The following AGO2 variants were observed in gnomAD, a reference collection of about 807,000 sequenced individuals.
AGO2 encodes argonaute RISC catalytic component 2.
Under a neutral mutation model 102.3 loss-of-function variants are expected in AGO2, and 5 were observed. That is an observed-to-expected ratio of 0.05 (90% CI 0.03 to 0.10). The LOEUF is 0.10. AGO2 is among the 10% of genes least tolerant of loss of function. The pLI, the probability that AGO2 is intolerant of heterozygous loss-of-function variation, is 1.00. For missense variants in AGO2, 541 were observed against 1,183.7 expected, an observed-to-expected ratio of 0.46 and a Z score of 7.97; for synonymous variants, 449 against 473.1, an observed-to-expected ratio of 0.95 and a Z score of 0.66.
chr8:140,560,063 C>CACCCAGGCTACAGTCAA (rs1440577681), intron 5 of AGO2, among the ~76,000 whole-genome samples: 3 of 152,234 alleles, frequency 2.0e-5, no homozygotes, highest in Non-Finnish European at 4.4e-5. Context: ...GGACAGGCCA[C>CACCCAGGCTACAGTCAA]ACCCAGGCTA....
At chr8:140,631,044 A>AC (rs2074334797) in intron 1 of AGO2, among the ~76,000 whole-genome samples, 1 of 152,056 alleles carries the variant, frequency 6.6e-6, no homozygotes, top group Non-Finnish European at 1.5e-5. Flanking sequence ...ACAGAGAACA[A>AC]CCCCAACCCT....
upstream of AGO2, chr8:140,637,814 G>A (rs956456327): frequency 2.0e-5 from 3 of 152,172 alleles, no homozygotes; most frequent in Admixed American, 6.6e-5. Flanking sequence ...CAACGGAGCT[G>A]AGAACTGCAG....
chr8:140,545,266 A>G (rs1178771931), intron 13 of AGO2, among the ~76,000 whole-genome samples: 1 of 152,118 alleles, frequency 6.6e-6, no homozygotes, highest in Admixed American at 6.5e-5. Context: ...TCACGGCCAC[A>G]GCAACAGGGC....
Position 140,539,884 on chromosome 8 carries a change from C to T in AGO2, c.2035-430G>A, listed in dbSNP as rs995404051. ...TGGGCGGATCACAAGATCAAGAGATCGAGATCATCCTGGCCAACATGGTGA... is the reference window on the plus strand; with the variant it reads ...TGGGCGGATCACAAGATCAAGAGATTGAGATCATCCTGGCCAACATGGTGA... On this transcript the variant is annotated intron_variant, in intron 15 of 18. Transcript: ENST00000220592. This position sits in a 1 kb window ranked among gnomAD's most constrained non-coding sequence, Gnocchi z 4.7. 2.6e-5 allele frequency among the ~76,000 whole-genome samples: 4 copies of T among 152,254 alleles called. No individual in the cohort carries two copies. The highest frequency in any genetic ancestry group is 2.1e-4 in the South Asian group (1 of 4,822).
chr8:140,589,365 G>A lies in AGO2; in HGVS notation c.23-4054C>T, dbSNP rs2073713337. On this transcript the variant is annotated intron_variant, in intron 1 of 18. Coordinates refer to ENST00000220592, the MANE Select transcript of AGO2 (RefSeq NM_012154.5). This position sits in a 1 kb window ranked among gnomAD's most constrained non-coding sequence, Gnocchi z 4.2. ...TTTGGCTACCGGCGGGTGAACCACA[G>A]GCCCGGGTCAGCACCCATAGGCTGC... Among the ~76,000 whole-genome samples, 1 of 152,044 alleles carries A rather than the reference G, an allele frequency of 6.6e-6. No homozygotes were observed. The highest frequency in any genetic ancestry group is 2.1e-4 in the South Asian group (1 of 4,828).
In AGO2 at chr8:140,539,245, C is replaced by G; in HGVS notation, c.2169+75G>C. 6.7e-7 allele frequency: 1 copy of G among 1,483,126 alleles called. No individual in the cohort carries two copies. The highest frequency in any genetic ancestry group is 1.3e-5 in the South Asian group (1 of 75,124). The allele number at this position is 1,483,126 out of a possible 1,614,324, so 91.9% of individuals were successfully genotyped here. A position where few individuals can be genotyped will look rare whatever the true frequency, so the allele number is the denominator to read the frequency against. On this transcript the variant is annotated intron_variant, in intron 16 of 18. Coordinates refer to ENST00000220592, the MANE Select transcript of AGO2 (RefSeq NM_012154.5). This position sits in a 1 kb window ranked among gnomAD's most constrained non-coding sequence, Gnocchi z 4.7. ...ACAGCGGCACTGTGGCCAGCAGGTTCTCTTGTGAGTGTGCTCGGGGTGTGG... is the reference window on the plus strand; with the variant it reads ...ACAGCGGCACTGTGGCCAGCAGGTTGTCTTGTGAGTGTGCTCGGGGTGTGG...
chr8:140,551,522 C>T, intron 10 of AGO2, 86 bp from the exon 11 acceptor site: 1 of 1,343,934 alleles, frequency 7.4e-7, no homozygotes, highest in Non-Finnish European at 9.7e-7. Context: ...ACTGTTGGTC[C>T]CCCTGACCAA....
chr8:140,583,067 C>G (rs1475346720), intron 2 of AGO2, among the ~76,000 whole-genome samples: 2 of 152,160 alleles, frequency 1.3e-5, no homozygotes, highest in Non-Finnish European at 2.9e-5. Flanking sequence ...GCTGGGGACA[C>G]AGACAGAAAA....
rs765304772 is a variant in AGO2 at position 140,532,529 on chromosome 8, C to T, written c.2358G>A (p.Leu786=). Residue 786 remains leucine (L), a synonymous_variant, in exon 18 of 19, where the codon CTG becomes CTA. Coordinates refer to ENST00000220592, the MANE Select transcript of AGO2 (RefSeq NM_012154.5). ...SDELQILTYQ[L]CHTYVRCTRS... is the part of the protein sequence containing the mutation. ...GTGTGCAGCGCACGTAGGTGTGACA[C>T]AGCTGGTAGGTTAGGATCTGCAGCT... is the stretch of plus-strand genomic sequence containing the variant. 3.7e-6 allele frequency: 6 copies of T among 1,614,144 alleles called. No homozygotes were observed. The highest frequency in any genetic ancestry group is 5.1e-6 in the Non-Finnish European group (6 of 1,180,052).
intron 1 of AGO2, among the ~76,000 whole-genome samples, chr8:140,591,035 G>A (rs145330197): frequency 2.0e-4 from 31 of 152,350 alleles, no homozygotes; most frequent in African/African-American, 7.5e-4. Flanking sequence ...CCCATGGGAA[G>A]GCTGGGTCGG....
chr8:140,640,962 T>A, the AGO2 span, among the ~76,000 whole-genome samples: 1 of 152,198 alleles, frequency 6.6e-6, no homozygotes, highest in South Asian at 2.1e-4. Flanking sequence ...ATGTGGTGTA[T>A]CCAGCTTGTA....
At position 140,556,295 on chromosome 8, in the gene AGO2, A is replaced by G. The variant is rs1330951401; in HGVS notation, c.1027-9T>C. 1 of 1,613,932 alleles carries G rather than the reference A, an allele frequency of 6.2e-7. No homozygotes were observed. Among genetic ancestry groups the G allele is most frequent in the East Asian group, 2.2e-5 (1 of 44,872 alleles). On this transcript the variant is annotated splice_polypyrimidine_tract_variant and intron_variant, in intron 8 of 18. Coordinates refer to ENST00000220592, the MANE Select transcript of AGO2 (RefSeq NM_012154.5). ...GCCACAATGTTACAGACCTGTGAAG[A>G]GGACGTAGAGACAGGCCGTCAGTGC...
At chr8:140,562,341 T>C in intron 4 of AGO2, 112 bp downstream of exon 4, 7 of 1,344,404 alleles carry the variant, frequency 5.2e-6, no homozygotes, top group Non-Finnish European at 7.0e-6. Flanking sequence ...ACGTGACCAC[T>C]CCCACCCTGG....
intron 1 of AGO2, among the ~76,000 whole-genome samples, chr8:140,609,201 G>C (rs747741683): frequency 2.6e-5 from 4 of 152,224 alleles, no homozygotes; most frequent in Non-Finnish European, 5.9e-5. Flanking sequence ...GCTGCAGAGA[G>C]GACTGCGGGA....
intron 12 of AGO2, among the ~76,000 whole-genome samples, chr8:140,548,479 C>G (rs959137786): frequency 6.6e-6 from 1 of 152,178 alleles, no homozygotes; most frequent in African/African-American, 2.4e-5. Context: ...ACCCACCCCC[C>G]GCTATTCCTG....
At chr8:140,604,543 T>A (rs998151302) in intron 1 of AGO2, among the ~76,000 whole-genome samples, 1 of 151,524 alleles carries the variant, frequency 6.6e-6, no homozygotes, top group Non-Finnish European at 1.5e-5. Context: ...ATACAAAAAT[T>A]AGGCCGGGTG....
intron 2 of AGO2, among the ~76,000 whole-genome samples, chr8:140,582,193 T>C (rs2073568379): frequency 6.6e-6 from 1 of 152,196 alleles, no homozygotes; most frequent in Admixed American, 6.5e-5. Flanking sequence ...TTTAATCGGA[T>C]TTCAAGCCTT....
intron 1 of AGO2, 127 bp from the exon 2 acceptor site, chr8:140,585,438 C>G: frequency 9.6e-7 from 1 of 1,044,608 alleles, no homozygotes; most frequent in South Asian, 1.7e-5. Flanking sequence ...GCCAATATTG[C>G]ATTCCACAGA....
At chr8:140,640,560 A>C (rs181169220), upstream of AGO2, among the ~76,000 whole-genome samples, 409 of 151,612 alleles carry the variant, frequency 2.7e-3, 1 homozygote, top group African/African-American at 9.2e-3. Flanking sequence ...GCTCTGTTGC[A>C]CAGGCTAGAG....
Sources: allele counts gnomAD v4.1 joint callset (sites outside exome capture counted in the v4.1 genomes callset), GRCh38; gene constraint gnomAD v4.1.1; non-coding constraint Gnocchi (gnomAD v3.1); transcripts MANE v1.5; gene names NCBI Gene and HGNC (gene_info 2026-07-23, HGNC 2026-07-21).